The following LPP variants were observed in gnomAD, a reference collection of about 807,000 sequenced individuals.
LPP encodes the protein LIM domain containing preferred translocation partner in lipoma.
LPP carries 38 observed loss-of-function variants against 60.4 expected under a neutral mutation model. The observed-to-expected ratio is 0.63, with a 90% confidence interval of 0.49 to 0.83. LPP has a LOEUF of 0.83. LPP is among the 40% of genes least tolerant of loss of function. LPP has a pLI of 0.00. For synonymous variants in LPP, 328 were observed against 290.8 expected, an observed-to-expected ratio of 1.13 and a Z score of -1.30; for missense variants, 902 against 783.6, an observed-to-expected ratio of 1.15 and a Z score of -1.80.
intron 9 of LPP, among the ~76,000 whole-genome samples, chr3:188,842,846 AAAGTTCCCTT>A (rs1760380071): frequency 6.6e-6 from 1 of 152,186 alleles, no homozygotes; most frequent in Admixed American, 6.5e-5. Context: ...ATTACCCAAG[AAAGTTCCCTT>A]AAGTTCCCTT....
intron 1 of LPP, among the ~76,000 whole-genome samples, chr3:188,166,677 G>A (rs1200332289): frequency 2.6e-5 from 4 of 152,170 alleles, no homozygotes; most frequent in Admixed American, 6.6e-5. Context: ...TTCTATTATC[G>A]CAATGCCAGA....
At chr3:188,315,295 C>T (rs1754700920) in intron 2 of LPP, among the ~76,000 whole-genome samples, 1 of 151,996 alleles carries the variant, frequency 6.6e-6, no homozygotes, top group East Asian at 1.9e-4. Flanking sequence ...ATCCATCTTT[C>T]TGGCTAAAGC....
At chr3:188,668,008 T>C (rs1856170212) in intron 7 of LPP, among the ~76,000 whole-genome samples, 1 of 152,170 alleles carries the variant, frequency 6.6e-6, no homozygotes, top group Non-Finnish European at 1.5e-5. Context: ...GATGACCCTA[T>C]GTAAACTCAC....
intron 2 of LPP, among the ~76,000 whole-genome samples, chr3:188,325,668 A>T (rs1210187093): frequency 6.6e-6 from 1 of 152,218 alleles, no homozygotes; most frequent in Non-Finnish European, 1.5e-5. Context: ...TGTTTGCTAT[A>T]GGCTAGGCAC....
At chr3:188,462,544 T>TATATATATAAATATATATATATATA (rs1799236891) in intron 4 of LPP, among the ~76,000 whole-genome samples, 1 of 34,188 alleles carries the variant, frequency 2.9e-5, no homozygotes, top group Non-Finnish European at 6.5e-5. Flanking sequence ...TATATGAGCT[T>TATATATATAAATATATATATATATA]TATATATATA....
At chr3:188,323,452 C>T (rs1438348887) in intron 2 of LPP, among the ~76,000 whole-genome samples, 1 of 152,196 alleles carries the variant, frequency 6.6e-6, no homozygotes, top group Non-Finnish European at 1.5e-5. Context: ...ACTCCAAACA[C>T]ATTACTGTGT....
intron 2 of LPP, among the ~76,000 whole-genome samples, chr3:188,340,700 T>C (rs1158819730): frequency 6.6e-6 from 1 of 152,150 alleles, no homozygotes; most frequent in Non-Finnish European, 1.5e-5. Flanking sequence ...TTTTGCTTTT[T>C]AGGGGTCAAG....
chr3:188,282,880 C>T (rs1742596496), intron 2 of LPP, among the ~76,000 whole-genome samples: 1 of 152,148 alleles, frequency 6.6e-6, no homozygotes, highest in African/African-American at 2.4e-5. Context: ...GTATCTGTTT[C>T]TGAGTTCTGA....
At chr3:188,859,864 A>G (rs905588540) in intron 9 of LPP, among the ~76,000 whole-genome samples, 1 of 152,176 alleles carries the variant, frequency 6.6e-6, no homozygotes, top group African/African-American at 2.4e-5. Flanking sequence ...TATCTATTAA[A>G]TTGTTTCAAA....
chr3:188,463,715 A>G (rs1799691511), intron 4 of LPP, among the ~76,000 whole-genome samples: 1 of 152,160 alleles, frequency 6.6e-6, no homozygotes, highest in Admixed American at 6.6e-5. Context: ...CTAGGATAAG[A>G]CCTGAGTAGA....
intron 3 of LPP, among the ~76,000 whole-genome samples, chr3:188,396,249 T>C (rs1296441780): frequency 6.6e-6 from 1 of 152,210 alleles, no homozygotes; most frequent in Non-Finnish European, 1.5e-5. Flanking sequence ...ATTTCTACTT[T>C]TTCAAGTTAT....
At chr3:188,719,453 T>G (rs926034391) in intron 8 of LPP, among the ~76,000 whole-genome samples, 33 of 152,208 alleles carry the variant, frequency 2.2e-4, no homozygotes, top group African/African-American at 7.2e-4. Context: ...AGACATCCAG[T>G]CATTCAGCTG....
intron 7 of LPP, among the ~76,000 whole-genome samples, chr3:188,620,273 A>T (rs896530984): frequency 1.3e-5 from 2 of 152,146 alleles, no homozygotes; most frequent in African/African-American, 4.8e-5. Context: ...TCATTATCAC[A>T]ATCAATTTCT....
Position 188,427,546 on chromosome 3 carries a change from A to G in LPP, c.193+21233A>G, listed in dbSNP as rs574516083. Among the ~76,000 whole-genome samples, 13 of 152,076 alleles carry G rather than the reference A, an allele frequency of 8.5e-5. No homozygotes were observed. The South Asian group carries it at 2.5e-3, about 29-fold the overall frequency. The stretch of plus-strand genomic sequence containing the variant: ...TTTTGGTGTTCTCTGTATTTCCTGA[A>G]TTTGAATGTTGGCCTGTCTTCCTGG... On this transcript the variant is annotated intron_variant, in intron 4 of 11. Coordinates refer to ENST00000617246, the MANE Select transcript of LPP (RefSeq NM_001375462.1).
chr3:188,674,818 C>G (rs1422723747), intron 7 of LPP, among the ~76,000 whole-genome samples: 4 of 152,150 alleles, frequency 2.6e-5, no homozygotes, highest in Non-Finnish European at 5.9e-5. Context: ...TATGCTTTTT[C>G]CACCTCATAG....
At chr3:188,478,799 A>C (rs1422872833) in intron 4 of LPP, among the ~76,000 whole-genome samples, 1 of 152,040 alleles carries the variant, frequency 6.6e-6, no homozygotes, top group East Asian at 1.9e-4. Flanking sequence ...TCTGTCGCCT[A>C]GGCTGGAGTA....
At chr3:188,749,780 T>G (rs1727483501) in intron 8 of LPP, among the ~76,000 whole-genome samples, 1 of 152,246 alleles carries the variant, frequency 6.6e-6, no homozygotes, top group Non-Finnish European at 1.5e-5. Context: ...TCTGCAAATT[T>G]ATTTTCAGTC....
intron 6 of LPP, among the ~76,000 whole-genome samples, chr3:188,588,484 T>C (rs1013601277): frequency 2.0e-5 from 3 of 152,208 alleles, no homozygotes; most frequent in African/African-American, 7.2e-5. Context: ...CTTTACTTTA[T>C]GGAGTGTAGA....
intron 9 of LPP, among the ~76,000 whole-genome samples, chr3:188,819,623 T>A (rs1314684269): frequency 6.6e-6 from 1 of 152,176 alleles, no homozygotes; most frequent in East Asian, 1.9e-4. Context: ...GTTCTGGATT[T>A]TGAAGACGGA....
Sources: gnomAD v4.1 joint callset for allele counts (sites outside exome capture counted in the v4.1 genomes callset) on GRCh38, gnomAD v4.1.1 for gene constraint, MANE v1.5 for transcripts, NCBI Gene and HGNC (gene_info 2026-07-23, HGNC 2026-07-21) for gene names.